The following CABIN1 variants were observed in gnomAD, a reference collection of about 807,000 sequenced individuals.
CABIN1 encodes the protein calcineurin binding protein 1, also known as calcineurin-binding protein cabin-1.
Under a neutral mutation model 227.7 loss-of-function variants are expected in CABIN1, and 133 were observed. The ratio of observed to expected loss-of-function variants is 0.58; its 90% CI spans 0.51 to 0.67. The LOEUF (loss-of-function observed/expected upper bound fraction) is 0.67, where lower values mean the gene tolerates loss of function less well. CABIN1 is among the 30% of genes least tolerant of loss of function. The probability of loss-of-function intolerance (pLI) is 0.00; values close to 1 mark genes in which losing one functional copy is unlikely to be tolerated. For synonymous variants in CABIN1, 1,086 were observed against 1,155.1 expected (o/e 0.94, Z 1.21); for missense variants, 2,408 against 2,852.5 (o/e 0.84, Z 3.55).
At chr22:24,167,409 T>C in intron 32 of CABIN1, 96 bp downstream of exon 32, 4 of 1,249,940 alleles carry the variant, frequency 3.2e-6, no homozygotes, top group Non-Finnish European at 4.5e-6. Flanking sequence ...GGCCTGCCCT[T>C]GGGGCGGGTT....
intron 29 of CABIN1, among the ~76,000 whole-genome samples, chr22:24,143,548 G>T (rs1490049109): frequency 6.6e-6 from 1 of 152,202 alleles, no homozygotes; most frequent in Non-Finnish European, 1.5e-5. Context: ...GGCTCTTGAG[G>T]CTGAGAGCAG....
intron 29 of CABIN1, among the ~76,000 whole-genome samples, chr22:24,163,617 C>T (rs1244262008): frequency 6.6e-6 from 1 of 152,180 alleles, no homozygotes; most frequent in African/African-American, 2.4e-5. Context: ...GGTCCCACCC[C>T]AGAGATGGGC....
chr22:24,162,967 A>G (rs1395462228), intron 29 of CABIN1, among the ~76,000 whole-genome samples: 1 of 152,304 alleles, frequency 6.6e-6, no homozygotes, highest in South Asian at 2.1e-4. Context: ...CCCAGGAGAC[A>G]GTGTCTGCCC....
intron 28 of CABIN1, among the ~76,000 whole-genome samples, chr22:24,125,296 G>T (rs182847347): frequency 2.0e-5 from 3 of 152,372 alleles, no homozygotes; most frequent in Admixed American, 2.0e-4. Flanking sequence ...TGACTTCAGG[G>T]TCAGCTGGTG....
chr22:24,153,894 C>G (rs1449737151), intron 29 of CABIN1, among the ~76,000 whole-genome samples: 1 of 152,212 alleles, frequency 6.6e-6, no homozygotes, highest in East Asian at 1.9e-4. Context: ...GCTGTGATAG[C>G]CAGGCACTGG....
intron 24 of CABIN1, among the ~76,000 whole-genome samples, chr22:24,093,606 C>T (rs951908550): frequency 5.3e-5 from 8 of 151,966 alleles, no homozygotes; most frequent in African/African-American, 1.9e-4. Context: ...TGGTGGCTCA[C>T]ACCTATAATC....
At chr22:24,133,646 A>T (rs1305361733) in intron 28 of CABIN1, among the ~76,000 whole-genome samples, 4 of 152,206 alleles carry the variant, frequency 2.6e-5, no homozygotes, top group African/African-American at 9.6e-5. Flanking sequence ...TGAGATGGCC[A>T]GTGCAAGGTG....
At chr22:24,097,666 G>C (rs1057417424) in intron 25 of CABIN1, among the ~76,000 whole-genome samples, 5 of 152,244 alleles carry the variant, frequency 3.3e-5, no homozygotes, top group Admixed American at 1.3e-4. Flanking sequence ...CAGGTCTTAA[G>C]TTTGTCAGGC....
intron 29 of CABIN1, among the ~76,000 whole-genome samples, chr22:24,157,222 C>T (rs1402514625): frequency 6.6e-6 from 1 of 152,156 alleles, no homozygotes; most frequent in Non-Finnish European, 1.5e-5. Flanking sequence ...TCTGGGGCCC[C>T]TTTCCTCCCA....
Position 24,176,219 on chromosome 22 carries a change from A to G in CABIN1, c.6149A>G (p.His2050Arg), listed in dbSNP as rs771890552. The change falls in exon 35 of 37, where the codon CAC becomes CGC. Residue 2050 changes from histidine (H) to arginine (R), a missense_variant. His to Arg is a conservative substitution (Grantham distance 29). This residue lies in a region of CABIN1 where 714 missense variants were observed against 773.8 expected (regional missense o/e 0.92). Transcript: ENST00000263119. ...MAPTSSPAEP[H>R]CWPAEAALGT... is the part of the protein sequence containing the mutation. ...CCCACAAGTTCCCCGGCAGAGCCAC[A>G]CTGCTGGCCGGCAGAGGCTGCCCTG... 6.2e-6 allele frequency: 10 copies of G among 1,610,332 alleles called. No homozygotes were observed. In the African/African-American group the frequency reaches 6.7e-5, roughly 11 times the overall value.
chr22:24,167,082 G>A lies in CABIN1; in HGVS notation c.5451G>A (p.Gln1817=). 6.5e-7 allele frequency: 1 copy of A among 1,543,708 alleles called. No individual in the cohort carries two copies. The part of the protein sequence containing the change: ...RQQPTPLTPA[Q]PAPAPAPATT... The stretch of plus-strand genomic sequence containing the variant: ...AGCCCACCCCGCTCACCCCAGCCCA[G>A]CCAGCCCCCGCCCCCGCCCCCGCCA... Residue 1817 remains glutamine (Q), a synonymous_variant, in exon 32 of 37, where the codon CAG becomes CAA. Coordinates refer to ENST00000263119, the MANE Select transcript of CABIN1 (RefSeq NM_012295.4).
intron 18 of CABIN1, 69 bp downstream of exon 18, chr22:24,072,579 AGGG>A (rs2040170202): frequency 6.3e-7 from 1 of 1,586,010 alleles, no homozygotes; most frequent in East Asian, 2.2e-5. Flanking sequence ...CCTCTGCCCT[AGGG>A]TCCTGGACCT....
At chr22:24,063,861 G>GT (rs1317411866) in intron 14 of CABIN1, among the ~76,000 whole-genome samples, 174 bp from the exon 15 acceptor site, 1 of 152,196 alleles carries the variant, frequency 6.6e-6, no homozygotes, top group East Asian at 1.9e-4. Context: ...TAGTCAACAA[G>GT]TATTTATTGA....
intron 1 of CABIN1, among the ~76,000 whole-genome samples, chr22:24,016,322 A>G (rs747204182): frequency 1.2e-4 from 18 of 152,288 alleles, no homozygotes; most frequent in Middle Eastern, 3.4e-3. Flanking sequence ...TCAGTGTTTC[A>G]TTATTTTTAT....
intron 26 of CABIN1, among the ~76,000 whole-genome samples, chr22:24,112,831 C>A (rs1303964024): frequency 6.6e-6 from 1 of 152,184 alleles, no homozygotes; most frequent in East Asian, 1.9e-4. Flanking sequence ...AGGTTTCCTC[C>A]CCCACCTCCA....
chr22:24,094,823 C>CAAAAAAAAAAA (rs201624847), intron 24 of CABIN1, among the ~76,000 whole-genome samples: 16 of 78,120 alleles, frequency 2.0e-4, no homozygotes, highest in Non-Finnish European at 3.3e-4. Flanking sequence ...GACTCCGTCT[C>CAAAAAAAAAAA]AAAAAAAAAA....
intron 1 of CABIN1, among the ~76,000 whole-genome samples, chr22:24,028,221 A>G (rs1362087416): frequency 6.6e-6 from 1 of 152,246 alleles, no homozygotes; most frequent in Non-Finnish European, 1.5e-5. Context: ...TGGAAAAATG[A>G]CACTTACCAA....
chr22:24,096,228 C>T, intron 25 of CABIN1, 146 bp downstream of exon 25: 1 of 906,150 alleles, frequency 1.1e-6, no homozygotes, highest in Non-Finnish European at 1.8e-6. Flanking sequence ...CATCTGGAAA[C>T]TCCCATTTGC....
intron 29 of CABIN1, chr22:24,156,653 G>A (rs1379111517): frequency 6.6e-6 from 1 of 152,306 alleles, no homozygotes; most frequent in Non-Finnish European, 1.5e-5. Flanking sequence ...TGCTGTGCGG[G>A]GACAGGAAGA....
Sources: gnomAD v4.1 joint callset for allele counts (sites outside exome capture counted in the v4.1 genomes callset) on GRCh38, gnomAD v4.1.1 for gene constraint, gnomAD v4.1.1 regional missense constraint, MANE v1.5 for transcripts, NCBI Gene and HGNC (gene_info 2026-07-23, HGNC 2026-07-21) for gene names.